CCDC150: variants seen among roughly 807,000 people sequenced by gnomAD.
The protein encoded by CCDC150 is coiled-coil domain containing 150, also known as coiled-coil domain-containing protein 150.
A neutral mutation model predicts 156.5 loss-of-function variants in CCDC150; 151 were observed. The ratio of observed to expected loss-of-function variants is 0.97; its 90% CI spans 0.85 to 1.10. CCDC150 has a LOEUF of 1.10. CCDC150 is among the 50% of genes least tolerant of loss of function. The pLI, the probability that CCDC150 is intolerant of heterozygous loss-of-function variation, is 0.00. For missense variants in CCDC150, 1,312 were observed against 1,268.1 expected, an observed-to-expected ratio of 1.03 and a Z score of -0.53; for synonymous variants, 452 against 429.4, an observed-to-expected ratio of 1.05 and a Z score of -0.65.
At chr2:196,675,473 A>C (rs1157180347) in intron 10 of CCDC150, among the ~76,000 whole-genome samples, 1 of 152,196 alleles carries the variant, frequency 6.6e-6, no homozygotes, top group Non-Finnish European at 1.5e-5. Context: ...AAGTTTTTTA[A>C]AAAGTATTTA....
In CCDC150 at chr2:196,703,319, G is replaced by C. The variant is rs574522475; in HGVS notation, c.1695+2139G>C. ...AAGGTAGTCGATAAGCCATGCTTGCGGAACAATACATTACTAGAACAATAA... is the reference window on the plus strand; with the variant it reads ...AAGGTAGTCGATAAGCCATGCTTGCCGAACAATACATTACTAGAACAATAA... On this transcript the variant is annotated intron_variant, in intron 15 of 27. Transcript: ENST00000389175. 4.6e-5 allele frequency among the ~76,000 whole-genome samples: 7 copies of C among 152,116 alleles called. No homozygotes were observed. The East Asian group carries it at 1.4e-3, about 29-fold the overall frequency.
At chr2:196,726,920 A>T (rs1426070125) in intron 22 of CCDC150, 1 of 152,218 alleles carries the variant, frequency 6.6e-6, no homozygotes, top group East Asian at 1.9e-4. Context: ...AGGGGGTGGT[A>T]TGATAGAAGC....
intron 10 of CCDC150, among the ~76,000 whole-genome samples, chr2:196,675,477 GTA>G (rs1177861756): frequency 1.3e-5 from 2 of 152,040 alleles, no homozygotes; most frequent in African/African-American, 4.8e-5. Flanking sequence ...TTTTTAAAAA[GTA>G]TTTATAAAAC....
intron 17 of CCDC150, 104 bp downstream of exon 17, chr2:196,712,843 C>A: frequency 1.2e-6 from 1 of 854,386 alleles, no homozygotes; most frequent in Non-Finnish European, 1.8e-6. Flanking sequence ...AAAAGTTAAG[C>A]AAGATAACAA....
At chr2:196,676,510 G>C (rs1575811538) in intron 11 of CCDC150, 44 bp from the exon 12 acceptor site, 2 of 1,507,414 alleles carry the variant, frequency 1.3e-6, no homozygotes, top group Non-Finnish European at 1.8e-6. Context: ...TGTTAAATTA[G>C]AACTCTAATT....
intron 13 of CCDC150, among the ~76,000 whole-genome samples, chr2:196,690,899 G>A (rs6760351): frequency 0.012 from 1,839 of 152,260 alleles, 38 homozygotes; most frequent in African/African-American, 0.042. Context: ...AGTTTATTGA[G>A]AGTTTTTAAC....
intron 2 of CCDC150, among the ~76,000 whole-genome samples, chr2:196,650,627 C>T (rs571746650): frequency 3.3e-5 from 5 of 152,138 alleles, no homozygotes; most frequent in Admixed American, 2.6e-4. Context: ...CTCCTGACCT[C>T]GTGATCTGCG....
chr2:196,671,737 T>C (rs918467459), intron 8 of CCDC150, among the ~76,000 whole-genome samples: 16 of 152,148 alleles, frequency 1.1e-4, no homozygotes, highest in Non-Finnish European at 1.9e-4. Flanking sequence ...TGAAAGCTCA[T>C]TTATTTTTAG....
chr2:196,678,232 G>A (rs938236590), intron 13 of CCDC150, among the ~76,000 whole-genome samples: 7 of 152,160 alleles, frequency 4.6e-5, no homozygotes, highest in African/African-American at 1.7e-4. Context: ...GAGCAGCAAG[G>A]AGTTATTAGC....
At chr2:196,667,686 C>T (rs1346295533) in intron 7 of CCDC150, 2 of 152,204 alleles carry the variant, frequency 1.3e-5, no homozygotes, top group African/African-American at 4.8e-5. Flanking sequence ...GTGTACTCTC[C>T]AGTTCACCTT....
chr2:196,657,174 T>TA lies in CCDC150; in HGVS notation c.576+39dup, dbSNP rs1474662204. On this transcript the variant is annotated intron_variant, in intron 4 of 27. Transcript: ENST00000389175. Reference sequence around the variant, plus strand: ...GAGTTCTGAAGTATAAACACACTGTTATGTGTTAGCTGGAGGAGGTAACAG... The same window carrying TA: ...GAGTTCTGAAGTATAAACACACTGTTAATGTGTTAGCTGGAGGAGGTAACAG... The TA allele has an allele frequency of 3.2e-6, 5 of 1,587,072 alleles. No individual in the cohort carries two copies. The Admixed American group carries it at 5.1e-5, about 16-fold the overall frequency.
At chr2:196,699,964 T>C (rs1696100849) in intron 14 of CCDC150, among the ~76,000 whole-genome samples, 1 of 152,212 alleles carries the variant, frequency 6.6e-6, no homozygotes, top group South Asian at 2.1e-4. Flanking sequence ...TATTACAAAG[T>C]GGTGACTAAA....
chr2:196,665,747 C>T lies in CCDC150; in HGVS notation c.762+64C>T, dbSNP rs1693808575. 6.6e-6 allele frequency: 6 copies of T among 906,026 alleles called. No individual in the cohort carries two copies. In the Admixed American group the frequency reaches 1.3e-4, roughly 19 times the overall value. The allele number at this position is 906,026 out of a possible 1,614,324, so 56.1% of individuals were successfully genotyped here. On this transcript the variant is annotated intron_variant, in intron 6 of 27. Transcript: ENST00000389175. ...AAACCAAACAAAAACTGATATTTTA[C>T]CTATAAACTTAAAATTTTACTAATT... is the stretch of plus-strand genomic sequence containing the variant.
intron 15 of CCDC150, among the ~76,000 whole-genome samples, chr2:196,707,131 C>T (rs752464555): frequency 1.2e-4 from 18 of 152,112 alleles, no homozygotes; most frequent in Admixed American, 3.9e-4. Context: ...CCTGTGAATC[C>T]GTCTGGTCCT....
At chr2:196,702,097 G>A (rs115343424) in intron 15 of CCDC150, among the ~76,000 whole-genome samples, 17,367 of 152,032 alleles carry the variant, frequency 0.11, 1,105 homozygotes, top group Middle Eastern at 0.19. Flanking sequence ...TTAGGCAAGT[G>A]TGATGGCAAG....
intron 15 of CCDC150, among the ~76,000 whole-genome samples, chr2:196,705,733 G>T (rs1696579102): frequency 6.6e-6 from 1 of 152,174 alleles, no homozygotes; most frequent in Admixed American, 6.5e-5. Flanking sequence ...TTTGTATAAG[G>T]TGTAAGGAAG....
chr2:196,731,852 C>T (rs1698538054), intron 26 of CCDC150, among the ~76,000 whole-genome samples, 181 bp from the exon 27 acceptor site: 1 of 152,128 alleles, frequency 6.6e-6, no homozygotes, highest in Admixed American at 6.5e-5. Context: ...TTCTTTAACC[C>T]CTCACTCAGA....
intron 15 of CCDC150, among the ~76,000 whole-genome samples, chr2:196,711,213 A>G (rs548159513): frequency 6.6e-6 from 1 of 152,356 alleles, no homozygotes; most frequent in South Asian, 2.1e-4. Context: ...CTATGTGATC[A>G]GCACTCAGAT....
At chr2:196,729,132 CTAAG>C in intron 22 of CCDC150, 57 bp from the exon 23 acceptor site, 3 of 1,405,804 alleles carry the variant, frequency 2.1e-6, no homozygotes, top group Non-Finnish European at 2.9e-6. Context: ...AAGGACAAAA[CTAAG>C]TAAGCTTCTC....
Sources: gnomAD v4.1 joint callset for allele counts (sites outside exome capture counted in the v4.1 genomes callset) on GRCh38, gnomAD v4.1.1 for gene constraint, MANE v1.5 for transcripts, NCBI Gene and HGNC (gene_info 2026-07-23, HGNC 2026-07-21) for gene names.